Variants in PEX14 observed in about 807,000 individuals in gnomAD.
The protein encoded by PEX14 is peroxisomal biogenesis factor 14.
In PEX14, 15 loss-of-function variants were observed where a neutral mutation model predicts 49.5. The observed-to-expected ratio is 0.30, with a 90% CI of 0.20 to 0.47. The LOEUF is 0.47. PEX14 is among the 20% of genes least tolerant of loss of function. The pLI, the probability that PEX14 is intolerant of heterozygous loss-of-function variation, is 1.00. For synonymous variants in PEX14, 210 were observed against 212.7 expected (o/e 0.99, Z 0.11); for missense variants, 398 against 494.8 (o/e 0.80, Z 1.86).
In PEX14 at chr1:10,495,188, A is replaced by G; in HGVS notation, c.37-86A>G. 1.3e-6 allele frequency: 2 copies of G among 1,577,356 alleles called. No individual in the cohort carries two copies. The highest frequency in any genetic ancestry group is 2.2e-5 in the East Asian group (1 of 44,610). Reference sequence around the variant, plus strand: ...ATGTGAGAAAGAGGTGCCAGCGTGCATCGTTTGAGAACGGAACATCTTTGG... The same window carrying G: ...ATGTGAGAAAGAGGTGCCAGCGTGCGTCGTTTGAGAACGGAACATCTTTGG... On this transcript the variant is annotated intron_variant, in intron 1 of 8. Transcript: ENST00000356607. This position sits in a 1 kb window ranked among gnomAD's most constrained non-coding sequence, Gnocchi z 4.2.
At chr1:10,551,218 C>T (rs750843851) in intron 3 of PEX14, among the ~76,000 whole-genome samples, 9 of 152,162 alleles carry the variant, frequency 5.9e-5, no homozygotes, top group East Asian at 1.9e-4. Context: ...CCTTCTGCAG[C>T]GGAATCAGCT....
Position 10,483,480 on chromosome 1 carries a change from C to A in PEX14, c.36+8478C>A, listed in dbSNP as rs558383598. ...TGCAGGTGTGCACCACCATGCCTGG[C>A]TAACTTTTTATATTTCAGTAGAGAC... On this transcript the variant is annotated intron_variant, in intron 1 of 8. Transcript: ENST00000356607. 2.0e-5 allele frequency among the ~76,000 whole-genome samples: 3 copies of A among 152,200 alleles called. No individual in the cohort carries two copies. The South Asian group carries it at 6.2e-4, about 32-fold the overall frequency.
chr1:10,630,147 C>A lies in PEX14; in HGVS notation c.*160C>A. ...GCGGCCTGGTGGCAGTGTGGGGAGTCACACTTCTGTCCACCTGGCCTCCTC... is the reference window on the plus strand; with the variant it reads ...GCGGCCTGGTGGCAGTGTGGGGAGTAACACTTCTGTCCACCTGGCCTCCTC... On this transcript the variant is annotated 3_prime_UTR_variant, in exon 9 of 9. Coordinates refer to ENST00000356607, the MANE Select transcript of PEX14 (RefSeq NM_004565.3). The surrounding 1 kb of genome is among the most constrained non-coding windows in gnomAD (Gnocchi z 4.1). The A allele has an allele frequency of 8.6e-7, 1 of 1,168,316 alleles. No homozygotes were observed. The highest frequency in any genetic ancestry group is 1.2e-6 in the Non-Finnish European group (1 of 845,000). 72.4% of individuals were successfully genotyped at this position (1,168,316 alleles called of 1,614,324 possible).
chr1:10,519,456 G>C (rs1258725448), intron 2 of PEX14, among the ~76,000 whole-genome samples: 2 of 152,158 alleles, frequency 1.3e-5, no homozygotes, highest in Non-Finnish European at 2.9e-5. Context: ...GACTTTCAGG[G>C]TTGTGATCCG....
At chr1:10,608,506 A>T (rs1641185203) in intron 4 of PEX14, among the ~76,000 whole-genome samples, 1 of 152,062 alleles carries the variant, frequency 6.6e-6, no homozygotes, top group Non-Finnish European at 1.5e-5. Context: ...TACTAAAAGT[A>T]CAAAAATTAG....
In PEX14 at chr1:10,613,682, G is replaced by A. The variant is rs1044060359; in HGVS notation, c.299-4650G>A. The stretch of plus-strand genomic sequence containing the variant: ...GGCTCTGAGTGAGAGTGAAGATATC[G>A]CCTGTTCTTGGATTCTTTGGGGCTC... On this transcript the variant is annotated intron_variant, in intron 4 of 8. Coordinates refer to ENST00000356607, the MANE Select transcript of PEX14 (RefSeq NM_004565.3). The surrounding 1 kb of genome is among the most constrained non-coding windows in gnomAD (Gnocchi z 5.0). Among the ~76,000 whole-genome samples, 3 of 152,150 alleles carry A rather than the reference G, an allele frequency of 2.0e-5. No individual in the cohort carries two copies. The highest frequency in any genetic ancestry group is 6.5e-5 in the Admixed American group (1 of 15,276).
chr1:10,589,408 CCT>C (rs1345990245), intron 3 of PEX14, among the ~76,000 whole-genome samples: 1 of 152,082 alleles, frequency 6.6e-6, no homozygotes, highest in African/African-American at 2.4e-5. Flanking sequence ...GTGTAATTTC[CCT>C]CTCTCTCCCC....
At chr1:10,545,905 C>T (rs868309478) in intron 3 of PEX14, among the ~76,000 whole-genome samples, 18 of 152,144 alleles carry the variant, frequency 1.2e-4, no homozygotes, top group Middle Eastern at 3.4e-3. Flanking sequence ...ATTAGCTGGG[C>T]GTGGTGGCGC....
chr1:10,608,190 T>C (rs1641177033), intron 4 of PEX14, among the ~76,000 whole-genome samples: 1 of 152,178 alleles, frequency 6.6e-6, no homozygotes, highest in Non-Finnish European at 1.5e-5. Flanking sequence ...CATGAGCCAC[T>C]GCACCCAGTT....
rs1046070156 is a variant in PEX14 at position 10,582,054 on chromosome 1, G to T, written c.170-17184G>T. ...AGGTATATGGTCAATTGATTATTTT[G>T]TAAACTTGTCTCTAGTTCATAGACA... On this transcript the variant is annotated intron_variant, in intron 3 of 8. Transcript: ENST00000356607. 4.5e-4 allele frequency among the ~76,000 whole-genome samples: 68 copies of T among 151,760 alleles called. 1 individual carries two copies. The highest frequency in any genetic ancestry group is 1.2e-4 in the Non-Finnish European group (8 of 67,968).
At chr1:10,567,007 T>G (rs150112019) in intron 3 of PEX14, among the ~76,000 whole-genome samples, 157 of 152,332 alleles carry the variant, frequency 1.0e-3, no homozygotes, top group African/African-American at 3.7e-3. Flanking sequence ...TTTTGCAATT[T>G]GTATGGTCTC....
At chr1:10,523,595 A>G (rs1210995862) in intron 2 of PEX14, among the ~76,000 whole-genome samples, 1 of 151,556 alleles carries the variant, frequency 6.6e-6, no homozygotes, top group Non-Finnish European at 1.5e-5. Context: ...TGGGGACATA[A>G]GAGGCCAGGT....
intron 3 of PEX14, among the ~76,000 whole-genome samples, chr1:10,596,806 A>G (rs896334339): frequency 3.9e-5 from 6 of 152,252 alleles, no homozygotes; most frequent in African/African-American, 1.4e-4. Flanking sequence ...CTGTAACTAA[A>G]TCAAAATCCT....
In PEX14 at chr1:10,579,221, C is replaced by T. The variant is rs145450482; in HGVS notation, c.170-20017C>T. On this transcript the variant is annotated intron_variant, in intron 3 of 8. Transcript: ENST00000356607. ...TCATAATCAGAGACAGTGTAGCACA[C>T]GGGACAATGGAATGATGTTTTCAAA... Among the ~76,000 whole-genome samples the T allele has an allele frequency of 4.3e-3, 652 of 151,756 alleles. 6 individuals carry two copies. Among genetic ancestry groups the T allele is most frequent in the African/African-American group, 0.015 (612 of 41,364 alleles).
chr1:10,559,652 A>C (rs939083041), intron 3 of PEX14, among the ~76,000 whole-genome samples: 2 of 152,146 alleles, frequency 1.3e-5, no homozygotes. Flanking sequence ...GCCTGAGTGG[A>C]AAGGGCAAGT....
At chr1:10,528,370 A>G in intron 2 of PEX14, 3 of 773,662 alleles carry the variant, frequency 3.9e-6, no homozygotes, top group Non-Finnish European at 4.7e-6. Context: ...GTTAGGAGAA[A>G]TACCTTTCAG....
chr1:10,604,272 A>G (rs1570338075), intron 4 of PEX14, among the ~76,000 whole-genome samples: 1 of 152,222 alleles, frequency 6.6e-6, no homozygotes, highest in East Asian at 1.9e-4. Flanking sequence ...CAGACAGGAT[A>G]GACAAGAGCA....
Position 10,622,944 on chromosome 1 carries a change from C to T in PEX14, c.385-75C>T, listed in dbSNP as rs139492067. 1.6e-3 allele frequency: 1,572 copies of T among 1,009,772 alleles called. 15 individuals carry two copies. In the East Asian group the frequency reaches 0.018, roughly 12 times the overall value. The allele number at this position is 1,009,772 out of a possible 1,614,324, so 62.6% of individuals were successfully genotyped here. A position where few individuals can be genotyped will look rare whatever the true frequency, so the allele number is the denominator to read the frequency against. Reference sequence around the variant, plus strand: ...CAGGGATGACAGGGAGAAAGTTGGGCGGCAGAATTTGAGAGATTGTTGGAG... The same window carrying T: ...CAGGGATGACAGGGAGAAAGTTGGGTGGCAGAATTTGAGAGATTGTTGGAG... On this transcript the variant is annotated intron_variant, in intron 5 of 8. Transcript: ENST00000356607.
intron 3 of PEX14, among the ~76,000 whole-genome samples, chr1:10,564,504 A>C (rs1010507554): frequency 1.3e-5 from 2 of 151,410 alleles, no homozygotes; most frequent in Non-Finnish European, 2.9e-5. Flanking sequence ...TGGCACAATC[A>C]AGGCTCAAGC....
Sources: allele counts gnomAD v4.1 joint callset (sites outside exome capture counted in the v4.1 genomes callset), GRCh38; gene constraint gnomAD v4.1.1; non-coding constraint Gnocchi (gnomAD v3.1); transcripts MANE v1.5; gene names NCBI Gene and HGNC (gene_info 2026-07-23, HGNC 2026-07-21).